Variants in DEPDC4 observed in about 807,000 individuals in gnomAD.
The protein encoded by DEPDC4 is DEP domain-containing protein 4.
Under a neutral mutation model 52.0 loss-of-function variants are expected in DEPDC4, and 52 were observed. The observed-to-expected ratio is 1.00, with a 90% CI of 0.80 to 1.26. The LOEUF (loss-of-function observed/expected upper bound fraction) is 1.26, where lower values mean the gene tolerates loss of function less well. Ranked by LOEUF, DEPDC4 falls within the 50% of genes most tolerant of loss-of-function variation. The pLI is 0.00. For missense variants in DEPDC4, 530 were observed against 546.9 expected (o/e 0.97, Z 0.31); for synonymous variants, 201 against 196.8 (o/e 1.02, Z -0.18).
intron 8 of DEPDC4, among the ~76,000 whole-genome samples, chr12:100,243,642 C>T (rs982544425): frequency 6.6e-6 from 1 of 151,916 alleles, no homozygotes; most frequent in Non-Finnish European, 1.5e-5. Context: ...ACCAGCATCT[C>T]TTTTTTTTCA....
At position 100,241,130 on chromosome 12, in the gene DEPDC4, C is replaced by T. The variant is rs553699009; in HGVS notation, c.*762G>A. Among the ~76,000 whole-genome samples the T allele has an allele frequency of 4.6e-5, 7 of 152,118 alleles. No individual in the cohort carries two copies. Among genetic ancestry groups the T allele is most frequent in the Non-Finnish European group, 8.8e-5 (6 of 68,022 alleles). ...CAATGATTCACAGTTATTTAAGTTA[C>T]AGCAGGTTAAGGGGGTTGCTTGAAA... On this transcript the variant is annotated 3_prime_UTR_variant, in exon 10 of 10. Coordinates refer to ENST00000550587, the MANE Select transcript of DEPDC4 (RefSeq NM_001364818.2).
downstream of DEPDC4, among the ~76,000 whole-genome samples, chr12:100,235,775 T>C (rs368461192): frequency 6.6e-5 from 10 of 152,248 alleles, 1 homozygote; most frequent in East Asian, 1.4e-3. Context: ...GGTTTCACCA[T>C]GTTGGCTAGG....
chr12:100,238,869 T>C (rs528387858), downstream of DEPDC4, among the ~76,000 whole-genome samples: 37 of 152,206 alleles, frequency 2.4e-4, no homozygotes, highest in South Asian at 4.1e-4. Flanking sequence ...TATATAAATA[T>C]ACATCAATAA....
upstream of DEPDC4, among the ~76,000 whole-genome samples, chr12:100,271,867 A>T (rs1302259180): frequency 6.6e-6 from 1 of 152,218 alleles, no homozygotes; most frequent in Non-Finnish European, 1.5e-5. Flanking sequence ...AAATTCAGGA[A>T]GTCTTTGTTA....
At chr12:100,266,163 G>A (rs1221294023) in intron 1 of DEPDC4, among the ~76,000 whole-genome samples, 2 of 150,724 alleles carry the variant, frequency 1.3e-5, no homozygotes, top group African/African-American at 2.4e-5. Flanking sequence ...ATTTGCAGGG[G>A]GAAGTGGGTA....
rs752849233 is a variant in DEPDC4 at position 100,253,544 on chromosome 12, A to G, written c.1050T>C (p.Asp350=). 22 of 1,288,394 alleles carry G rather than the reference A, an allele frequency of 1.7e-5. No homozygotes were observed. The highest frequency in any genetic ancestry group is 3.7e-5 in the South Asian group (3 of 80,952). The allele number at this position is 1,288,394 out of a possible 1,614,324, so 79.8% of individuals were successfully genotyped here. A position where few individuals can be genotyped will look rare whatever the true frequency, so the allele number is the denominator to read the frequency against. ...CAAAATACTCATCAGTTAATAGGCA[A>G]TCTCTCTCTTGAGCATAGTATTTTG... ...VIAKYYAQER[D]CLLTDEYFDI... The change falls in exon 5 of 10, where the codon GAT becomes GAC. Residue 350 remains aspartate (D), a synonymous_variant. Coordinates refer to ENST00000550587, the MANE Select transcript of DEPDC4 (RefSeq NM_001364818.2).
At chr12:100,271,534 G>T (rs888028479), upstream of DEPDC4, among the ~76,000 whole-genome samples, 1 of 152,088 alleles carries the variant, frequency 6.6e-6, no homozygotes, top group Admixed American at 6.6e-5. Context: ...AGACCTTTGT[G>T]CCCCTTTAAG....
the DEPDC4 span, among the ~76,000 whole-genome samples, chr12:100,274,630 A>T: frequency 6.6e-6 from 1 of 152,194 alleles, no homozygotes; most frequent in Non-Finnish European, 1.5e-5. Context: ...TCCTCCCACA[A>T]AATTTTTTTA....
downstream of DEPDC4, among the ~76,000 whole-genome samples, chr12:100,239,611 C>T (rs1473939640): frequency 1.3e-5 from 2 of 152,128 alleles, no homozygotes; most frequent in East Asian, 2.0e-4. Flanking sequence ...CCTTGAACTC[C>T]CAGTCTCAAG....
the DEPDC4 span, among the ~76,000 whole-genome samples, chr12:100,279,740 C>T: frequency 6.6e-6 from 1 of 152,198 alleles, no homozygotes; most frequent in African/African-American, 2.4e-5. Flanking sequence ...AGTGAAGACT[C>T]ACTACTCTGG....
chr12:100,281,019 G>GTT, the DEPDC4 span, among the ~76,000 whole-genome samples: 756 of 50,422 alleles, frequency 0.015, 160 homozygotes, highest in Non-Finnish European at 0.019. Flanking sequence ...TACCATCAGT[G>GTT]TTTTTTTTTT....
At position 100,263,684 on chromosome 12, in the gene DEPDC4, G is replaced by A; in HGVS notation, c.367C>T (p.Leu123Phe). The change falls in exon 2 of 10, where the codon CTT becomes TTT. Residue 123 changes from leucine to phenylalanine, a missense_variant. Leu to Phe is a conservative substitution (Grantham distance 22). Coordinates refer to ENST00000550587, the MANE Select transcript of DEPDC4 (RefSeq NM_001364818.2). ...TTGTGATTCATTAGAACTTGGCAAA[G>A]ATGAACCCCTTTAAGACAAGAGATG... Reference protein sequence around the residue: ...NDISCLKGVHLCQVLMNHKVF... With the variant: ...NDISCLKGVHFCQVLMNHKVF... 6.2e-7 allele frequency: 1 copy of A among 1,614,080 alleles called. No individual in the cohort carries two copies. Among genetic ancestry groups the A allele is most frequent in the Non-Finnish European group, 8.5e-7 (1 of 1,180,002 alleles).
At chr12:100,257,324 C>T (rs779535846) in intron 3 of DEPDC4, among the ~76,000 whole-genome samples, 5 of 152,040 alleles carry the variant, frequency 3.3e-5, no homozygotes, top group South Asian at 2.1e-4. Context: ...GTGATCCACC[C>T]GCCTTGGCCT....
At chr12:100,264,448 G>A (rs1349779283) in intron 1 of DEPDC4, among the ~76,000 whole-genome samples, 1 of 152,078 alleles carries the variant, frequency 6.6e-6, no homozygotes, top group Admixed American at 6.6e-5. Context: ...AGAAGCCGAG[G>A]CAGGCAGATC....
At chr12:100,247,168 G>A (rs1781480872) in intron 8 of DEPDC4, among the ~76,000 whole-genome samples, 1 of 144,256 alleles carries the variant, frequency 6.9e-6, no homozygotes, top group Non-Finnish European at 1.5e-5. Context: ...ATAGCATTGT[G>A]CAAAACACTT....
At chr12:100,259,445 A>G (rs1387168210) in intron 3 of DEPDC4, among the ~76,000 whole-genome samples, 2 of 152,228 alleles carry the variant, frequency 1.3e-5, no homozygotes, top group African/African-American at 4.8e-5. Flanking sequence ...GCAAAACAGA[A>G]AACAAAAATG....
downstream of DEPDC4, chr12:100,238,263 G>A (rs2096145355): frequency 6.5e-6 from 1 of 153,240 alleles, no homozygotes; most frequent in Non-Finnish European, 1.4e-5. Flanking sequence ...TGCCTCCCGG[G>A]TTCAAGCAAT....
At chr12:100,258,956 A>G (rs186765329) in intron 3 of DEPDC4, among the ~76,000 whole-genome samples, 2 of 152,146 alleles carry the variant, frequency 1.3e-5, no homozygotes, top group African/African-American at 4.8e-5. Context: ...CTGTAATCCC[A>G]GCTACTTGGG....
chr12:100,256,302 C>G, intron 3 of DEPDC4, 76 bp from the exon 4 acceptor site: 1 of 1,115,220 alleles, frequency 9.0e-7, no homozygotes, highest in Non-Finnish European at 1.3e-6. Context: ...ATAAATCGTT[C>G]TATTTCTAAA....
Sources: gnomAD v4.1 joint callset for allele counts (sites outside exome capture counted in the v4.1 genomes callset) on GRCh38, gnomAD v4.1.1 for gene constraint, MANE v1.5 for transcripts, NCBI Gene and HGNC (gene_info 2026-07-23, HGNC 2026-07-21) for gene names.